ALK: variants seen among roughly 807,000 people sequenced by gnomAD.
ALK encodes the protein ALK receptor tyrosine kinase, also known as ALK tyrosine kinase receptor.
A neutral mutation model predicts 163.1 loss-of-function variants in ALK; 74 were observed. The ratio of observed to expected loss-of-function variants is 0.45; its 90% confidence interval spans 0.38 to 0.55. The LOEUF is 0.55. Ranked by LOEUF, ALK falls within the 20% of genes least tolerant of loss-of-function variation. The pLI, the probability that ALK is intolerant of heterozygous loss-of-function variation, is 0.00. For missense variants in ALK, 2,063 were observed against 2,105.3 expected (o/e 0.98, Z 0.39); for synonymous variants, 960 against 843.2 (o/e 1.14, Z -2.40).
chr2:29,674,988 G>A (rs1053083314), intron 3 of ALK, among the ~76,000 whole-genome samples: 2 of 150,004 alleles, frequency 1.3e-5, no homozygotes, highest in Non-Finnish European at 3.0e-5. Flanking sequence ...TTCTCTGATG[G>A]TAGTTTGTAT....
At chr2:29,830,776 T>C (rs1348506723) in intron 1 of ALK, among the ~76,000 whole-genome samples, 1 of 136,490 alleles carries the variant, frequency 7.3e-6, no homozygotes, top group Non-Finnish European at 1.5e-5. Context: ...TGGTGGCATG[T>C]GCCTATAGTC....
chr2:29,844,859 G>GCACA (rs34706620), intron 1 of ALK, among the ~76,000 whole-genome samples: 34,190 of 148,488 alleles, frequency 0.23, 4,075 homozygotes, highest in Admixed American at 0.33. Flanking sequence ...TAACCCCCCT[G>GCACA]CACACACACA....
chr2:29,193,093 G>T lies in ALK; in HGVS notation c.*131C>A. The stretch of plus-strand genomic sequence containing the variant: ...GCATTTTCAAAATACAGCTTTTTTG[G>T]TGGTACTTCAAAATAGGTTGGCACA... On this transcript the variant is annotated 3_prime_UTR_variant, in exon 29 of 29. Coordinates refer to ENST00000389048, the MANE Select transcript of ALK (RefSeq NM_004304.5). The T allele has an allele frequency of 3.1e-6, 3 of 978,142 alleles. No homozygotes were observed. Among genetic ancestry groups the T allele is most frequent in the African/African-American group, 1.6e-5 (1 of 61,394 alleles). 60.6% of individuals were successfully genotyped at this position (978,142 alleles called of 1,614,324 possible).
chr2:29,710,495 T>TGC (rs1679049086), intron 2 of ALK, among the ~76,000 whole-genome samples: 2 of 101,764 alleles, frequency 2.0e-5, no homozygotes, highest in African/African-American at 9.2e-5. Context: ...CCTCAGTCTG[T>TGC]GTGCGTGTGT....
chr2:29,280,751 G>A (rs1252265614), intron 9 of ALK, among the ~76,000 whole-genome samples: 1 of 149,118 alleles, frequency 6.7e-6, no homozygotes, highest in African/African-American at 2.5e-5. Flanking sequence ...GGACCCTCTT[G>A]GACTGAGGGA....
intron 3 of ALK, among the ~76,000 whole-genome samples, chr2:29,616,639 C>A (rs577968821): frequency 6.6e-6 from 1 of 152,208 alleles, no homozygotes; most frequent in African/African-American, 2.4e-5. Context: ...AAAATCACAC[C>A]CTTCCTAAAC....
chr2:29,614,612 G>A (rs1573500216), intron 3 of ALK, among the ~76,000 whole-genome samples: 1 of 152,192 alleles, frequency 6.6e-6, no homozygotes, highest in African/African-American at 2.4e-5. Context: ...CTTGGGCAGG[G>A]CCTCCACGAG....
At chr2:29,218,502 T>C (rs1352751158) in intron 23 of ALK, among the ~76,000 whole-genome samples, 1 of 152,092 alleles carries the variant, frequency 6.6e-6, no homozygotes, top group Non-Finnish European at 1.5e-5. Context: ...TTTGTAATAA[T>C]ATTGGAATCA....
At chr2:29,303,971 C>T (rs781315466) in intron 8 of ALK, among the ~76,000 whole-genome samples, 17 of 152,164 alleles carry the variant, frequency 1.1e-4, no homozygotes, top group Admixed American at 2.0e-4. Flanking sequence ...GATGCCCAAA[C>T]CCCAGCATTA....
chr2:29,328,595 C>T lies in ALK; in HGVS notation c.1283-114G>A, dbSNP rs554968558. 27 of 1,374,394 alleles carry T rather than the reference C, an allele frequency of 2.0e-5. No homozygotes were observed. The East Asian group carries it at 5.9e-4, about 30-fold the overall frequency. 85.1% of individuals were successfully genotyped at this position (1,374,394 alleles called of 1,614,324 possible). ...CAGGGACAGCATTATCCTGCCCTGC[C>T]ATTCACACTCCAAGGCCTGATTGAG... On this transcript the variant is annotated intron_variant, in intron 5 of 28. Coordinates refer to ENST00000389048, the MANE Select transcript of ALK (RefSeq NM_004304.5).
chr2:29,474,390 T>G (rs1303548600), intron 4 of ALK, among the ~76,000 whole-genome samples: 1 of 152,206 alleles, frequency 6.6e-6, no homozygotes, highest in Non-Finnish European at 1.5e-5. Context: ...CACATCTTGG[T>G]CCGAGTGGTA....
intron 3 of ALK, among the ~76,000 whole-genome samples, chr2:29,623,481 A>G (rs7420445): frequency 6.6e-6 from 1 of 151,548 alleles, no homozygotes; most frequent in Non-Finnish European, 1.5e-5. Flanking sequence ...AAATAAAATG[A>G]TAGCTCACTT....
chr2:29,759,301 G>A (rs954798359), intron 1 of ALK, among the ~76,000 whole-genome samples: 1 of 152,144 alleles, frequency 6.6e-6, no homozygotes, highest in African/African-American at 2.4e-5. Flanking sequence ...ACTGTATGTT[G>A]GCTTGTATAC....
At chr2:29,223,561 G>T (rs2148171312) in intron 19 of ALK, 33 bp from the exon 20 acceptor site, 1 of 1,608,046 alleles carries the variant, frequency 6.2e-7, no homozygotes, top group Non-Finnish European at 8.5e-7. Flanking sequence ...AACATGGCCT[G>T]GCAGCCTGGC....
intron 4 of ALK, among the ~76,000 whole-genome samples, chr2:29,475,742 A>G (rs768676871): frequency 6.6e-6 from 1 of 152,194 alleles, no homozygotes; most frequent in Non-Finnish European, 1.5e-5. Flanking sequence ...AGCCTAGAGC[A>G]CAGCTGGCTC....
chr2:29,287,972 C>T (rs895120068), intron 9 of ALK, among the ~76,000 whole-genome samples: 1 of 152,014 alleles, frequency 6.6e-6, no homozygotes. Flanking sequence ...GTCACCCCCT[C>T]TCACATACAT....
At chr2:29,758,552 C>T (rs1197500294) in intron 1 of ALK, among the ~76,000 whole-genome samples, 2 of 152,112 alleles carry the variant, frequency 1.3e-5, no homozygotes, top group African/African-American at 2.4e-5. Context: ...GACCAAGTTC[C>T]CTTGGCCTAC....
chr2:29,328,586 C>T, intron 5 of ALK, 105 bp from the exon 6 acceptor site: 1 of 1,460,166 alleles, frequency 6.8e-7, no homozygotes, highest in Non-Finnish European at 9.6e-7. Context: ...CAGCATTATC[C>T]TGCCCTGCCA....
At chr2:29,722,303 G>A (rs1164370522) in intron 1 of ALK, among the ~76,000 whole-genome samples, 1 of 152,172 alleles carries the variant, frequency 6.6e-6, no homozygotes, top group African/African-American at 2.4e-5. Context: ...CGGGACACCA[G>A]ACCCTTCCTG....
Sources: gnomAD v4.1 joint callset for allele counts (sites outside exome capture counted in the v4.1 genomes callset) on GRCh38, gnomAD v4.1.1 for gene constraint, MANE v1.5 for transcripts, NCBI Gene and HGNC (gene_info 2026-07-23, HGNC 2026-07-21) for gene names.